Variants in SYNPR observed in about 807,000 individuals in gnomAD.
SYNPR encodes synaptoporin.
In SYNPR, 23 loss-of-function variants were observed where a neutral mutation model predicts 32.9. That is an observed-to-expected ratio of 0.70 (90% CI 0.50 to 0.99). The LOEUF is 0.99. Among genes scored for constraint, SYNPR ranks in the 50% least tolerant of loss-of-function variants. SYNPR has a pLI of 0.00. For synonymous variants in SYNPR, 146 were observed against 135.9 expected, an observed-to-expected ratio of 1.07 and a Z score of -0.52; for missense variants, 318 against 349.3, an observed-to-expected ratio of 0.91 and a Z score of 0.71.
intron 2 of SYNPR, among the ~76,000 whole-genome samples, chr3:63,405,537 A>G (rs2088348619): frequency 6.6e-6 from 1 of 152,160 alleles, no homozygotes; most frequent in Non-Finnish European, 1.5e-5. Context: ...TGAGACCCAG[A>G]TAGCACAGGG....
intron 2 of SYNPR, chr3:63,452,252 C>T: frequency 1.9e-6 from 1 of 535,880 alleles, no homozygotes; most frequent in Non-Finnish European, 3.3e-6. Context: ...CAAACATGGT[C>T]TCACGTAAGA....
intron 3 of SYNPR, among the ~76,000 whole-genome samples, chr3:63,555,794 A>G (rs1445990685): frequency 6.6e-6 from 1 of 152,218 alleles, no homozygotes; most frequent in Admixed American, 6.5e-5. Flanking sequence ...ACTATCATGG[A>G]GAAATGATAT....
intron 2 of SYNPR, among the ~76,000 whole-genome samples, chr3:63,292,373 C>A (rs2086748593): frequency 6.6e-6 from 1 of 152,186 alleles, no homozygotes; most frequent in African/African-American, 2.4e-5. Flanking sequence ...CATTCAAAAT[C>A]TGTTCTAGCT....
chr3:63,309,847 C>A (rs145009376), intron 2 of SYNPR, among the ~76,000 whole-genome samples: 1,832 of 152,096 alleles, frequency 0.012, 37 homozygotes, highest in African/African-American at 0.042. Context: ...TTCTATCCTG[C>A]AAACTACAGG....
intron 2 of SYNPR, among the ~76,000 whole-genome samples, chr3:63,388,726 C>T (rs1355870311): frequency 1.3e-5 from 2 of 151,974 alleles, no homozygotes; most frequent in African/African-American, 2.4e-5. Flanking sequence ...CCACGCCCAG[C>T]CTGGAGTTCC....
At chr3:63,257,918 C>T (rs2086401429) in intron 2 of SYNPR, among the ~76,000 whole-genome samples, 1 of 152,024 alleles carries the variant, frequency 6.6e-6, no homozygotes, top group African/African-American at 2.4e-5. Context: ...GGGTTGCAAT[C>T]CTAATCTCTG....
chr3:63,344,046 C>T (rs530372152), intron 2 of SYNPR, among the ~76,000 whole-genome samples: 86 of 152,314 alleles, frequency 5.6e-4, no homozygotes, highest in East Asian at 4.6e-3. Flanking sequence ...TGTTCAGAGG[C>T]GGTTCATTTG....
At chr3:63,296,568 C>T (rs1297802743) in intron 2 of SYNPR, among the ~76,000 whole-genome samples, 1 of 152,178 alleles carries the variant, frequency 6.6e-6, no homozygotes, top group Non-Finnish European at 1.5e-5. Context: ...CTTTGCCTGA[C>T]TTCAGATAAA....
At chr3:63,253,532 G>A (rs1287241071) in intron 2 of SYNPR, among the ~76,000 whole-genome samples, 1 of 152,048 alleles carries the variant, frequency 6.6e-6, no homozygotes, top group Non-Finnish European at 1.5e-5. Flanking sequence ...AAATATTGAT[G>A]TATAAGATTT....
intron 2 of SYNPR, among the ~76,000 whole-genome samples, chr3:63,421,818 T>C (rs1325216929): frequency 1.3e-5 from 2 of 152,202 alleles, no homozygotes; most frequent in Admixed American, 6.5e-5. Context: ...CTACAGGCCC[T>C]GCCCTTCTCT....
chr3:63,244,858 T>C (rs894990198), intron 1 of SYNPR, among the ~76,000 whole-genome samples: 3 of 152,088 alleles, frequency 2.0e-5, no homozygotes, highest in African/African-American at 7.2e-5. Context: ...TAGGCAGACA[T>C]AGAAAGCTCT....
chr3:63,236,050 T>G (rs75756720), intron 1 of SYNPR, among the ~76,000 whole-genome samples: 3,257 of 149,382 alleles, frequency 0.022, 106 homozygotes, highest in African/African-American at 0.074. Context: ...GTACAAGCCA[T>G]ATTAAGCTGA....
chr3:63,282,788 C>A (rs1421243365), intron 2 of SYNPR, among the ~76,000 whole-genome samples: 2 of 151,788 alleles, frequency 1.3e-5, no homozygotes, highest in Admixed American at 1.3e-4. Context: ...ACATAAGTTT[C>A]ATTCTTTGTA....
At chr3:63,463,566 A>G (rs531411847) in intron 2 of SYNPR, among the ~76,000 whole-genome samples, 1 of 152,284 alleles carries the variant, frequency 6.6e-6, no homozygotes, top group East Asian at 1.9e-4. Context: ...TCAGAGCAGA[A>G]GTTCTTAGGC....
At chr3:63,342,692 G>A (rs978353073) in intron 2 of SYNPR, among the ~76,000 whole-genome samples, 2 of 152,140 alleles carry the variant, frequency 1.3e-5, no homozygotes, top group Non-Finnish European at 1.5e-5. Context: ...AAAATTGATG[G>A]TAATTATTTT....
At chr3:63,299,070 A>C (rs2086817809) in intron 2 of SYNPR, among the ~76,000 whole-genome samples, 1 of 152,146 alleles carries the variant, frequency 6.6e-6, no homozygotes, top group Admixed American at 6.5e-5. Flanking sequence ...GCTTTGTCTG[A>C]GCTTATATTA....
chr3:63,339,020 C>G (rs1216844997), intron 2 of SYNPR, among the ~76,000 whole-genome samples: 3 of 152,174 alleles, frequency 2.0e-5, no homozygotes, highest in Non-Finnish European at 4.4e-5. Flanking sequence ...GGAATCTTTG[C>G]CTGCTGCGTT....
At chr3:63,225,012 A>G (rs1472685477), upstream of SYNPR, among the ~76,000 whole-genome samples, 1 of 152,184 alleles carries the variant, frequency 6.6e-6, no homozygotes, top group Non-Finnish European at 1.5e-5. Flanking sequence ...CCTTGGCATG[A>G]GGATTCTGAA....
rs184364861 is a variant in SYNPR, at chr3:63,256,278, G to C, written n.154+3692G>C. The stretch of plus-strand genomic sequence containing the variant: ...GAACGGACAGACTGCCTCCTCAAGT[G>C]TGTCCATGACCCCCGAGTAGCCTAA... On this transcript the variant is annotated intron_variant and non_coding_transcript_variant, in intron 2 of 4. Transcript: ENST00000478456. 7.1e-3 allele frequency among the ~76,000 whole-genome samples: 1,085 copies of C among 152,310 alleles called. 10 individuals are homozygous for C. Among genetic ancestry groups the C allele is most frequent in the South Asian group, 0.031 (151 of 4,820 alleles).
Sources: gnomAD v4.1 joint callset for allele counts (sites outside exome capture counted in the v4.1 genomes callset) on GRCh38, gnomAD v4.1.1 for gene constraint, MANE v1.5 for transcripts, NCBI Gene and HGNC (gene_info 2026-07-23, HGNC 2026-07-21) for gene names.